The following SGCZ variants were observed in gnomAD, a reference collection of about 807,000 sequenced individuals.
SGCZ encodes the protein sarcoglycan zeta, also known as zeta-sarcoglycan.
A neutral mutation model predicts 41.3 loss-of-function variants in SGCZ; 40 were observed. The observed-to-expected ratio is 0.97, with a 90% confidence interval of 0.75 to 1.26. The LOEUF is 1.26. SGCZ is among the 50% of genes most tolerant of loss of function. The pLI is 0.00. For missense variants in SGCZ, 552 were observed against 369.8 expected (o/e 1.49, Z -4.04); for synonymous variants, 206 against 137.5 (o/e 1.50, Z -3.49).
In SGCZ at chr8:14,927,338, T is replaced by C. The variant is rs1387359602; in HGVS notation, c.39+310247A>G. ...GTTAGCCAGGATGGTGTCGATTTCC[T>C]GTCCTTGTGATCCGCCCGCCTCGGC... On this transcript the variant is annotated intron_variant, in intron 1 of 7. Transcript: ENST00000382080. Among the ~76,000 whole-genome samples the C allele has an allele frequency of 2.0e-5, 3 of 151,832 alleles. No individual in the cohort carries two copies. In the East Asian group the frequency reaches 5.9e-4, roughly 30 times the overall value.
intron 1 of SGCZ, among the ~76,000 whole-genome samples, chr8:15,081,502 T>G (rs1805745837): frequency 6.6e-6 from 1 of 151,990 alleles, no homozygotes; most frequent in South Asian, 2.1e-4. Context: ...GCTTTTTTTT[T>G]TTTTTACCCT....
chr8:14,331,837 T>C (rs1425087078), intron 2 of SGCZ, among the ~76,000 whole-genome samples: 1 of 151,870 alleles, frequency 6.6e-6, no homozygotes, highest in Admixed American at 6.6e-5. Context: ...GATATGCAAA[T>C]GCTTTTTTAA....
intron 2 of SGCZ, among the ~76,000 whole-genome samples, chr8:14,451,135 C>A (rs1279504666): frequency 6.6e-6 from 1 of 152,126 alleles, no homozygotes; most frequent in African/African-American, 2.4e-5. Flanking sequence ...GCAGGGTTTC[C>A]TTTAAAGTAT....
intron 1 of SGCZ, among the ~76,000 whole-genome samples, chr8:15,004,442 C>G (rs925382579): frequency 6.6e-6 from 1 of 152,034 alleles, no homozygotes; most frequent in Non-Finnish European, 1.5e-5. Context: ...AAGGCAGACA[C>G]TTAAGATAGA....
intron 2 of SGCZ, among the ~76,000 whole-genome samples, chr8:14,396,850 C>T (rs1256633003): frequency 6.6e-6 from 1 of 151,914 alleles, no homozygotes; most frequent in Admixed American, 6.6e-5. Context: ...TCTAAGAGAT[C>T]AAATAGCATT....
At chr8:14,290,271 G>C (rs935452867) in intron 3 of SGCZ, among the ~76,000 whole-genome samples, 1 of 151,980 alleles carries the variant, frequency 6.6e-6, no homozygotes, top group Non-Finnish European at 1.5e-5. Context: ...CCATAACATT[G>C]GTCTAGGCAA....
At chr8:14,549,073 G>A (rs989104771) in intron 2 of SGCZ, among the ~76,000 whole-genome samples, 2 of 152,042 alleles carry the variant, frequency 1.3e-5, no homozygotes, top group African/African-American at 2.4e-5. Context: ...GCCGGCCAAT[G>A]CTGCCTGTTA....
chr8:14,385,611 G>C (rs754340501), intron 2 of SGCZ, among the ~76,000 whole-genome samples: 6 of 152,190 alleles, frequency 3.9e-5, no homozygotes, highest in Non-Finnish European at 7.4e-5. Context: ...TGAGTGTAGA[G>C]ATAATAGTCC....
chr8:15,100,849 C>T (rs78449625), intron 1 of SGCZ, among the ~76,000 whole-genome samples: 2,142 of 152,062 alleles, frequency 0.014, 55 homozygotes, highest in East Asian at 0.11. Flanking sequence ...ATTAGTTGGG[C>T]ATGGTGGCGC....
Position 15,009,206 on chromosome 8 carries a change from G to A in SGCZ, c.39+228379C>T, listed in dbSNP as rs567217447. 5.7e-4 allele frequency among the ~76,000 whole-genome samples: 52 copies of A among 91,416 alleles called. No individual in the cohort carries two copies. In the South Asian group the frequency reaches 0.019, roughly 33 times the overall value. 60.0% of individuals were successfully genotyped at this position (91,416 alleles called of 152,430 possible). A position where few individuals can be genotyped will look rare whatever the true frequency, so the allele number is the denominator to read the frequency against. ...CAGGAAGCATGGCTGGGGAGCCTCA[G>A]GAAATTTAATTATGGCAGAAAGCAA... On this transcript the variant is annotated intron_variant, in intron 1 of 7. Transcript: ENST00000382080.
chr8:14,602,033 T>C (rs949473221), intron 1 of SGCZ, among the ~76,000 whole-genome samples: 3 of 151,880 alleles, frequency 2.0e-5, no homozygotes, highest in African/African-American at 7.3e-5. Flanking sequence ...GGCAGGAGAA[T>C]GGCATGAACC....
At chr8:14,355,232 A>G (rs1000550735) in intron 2 of SGCZ, among the ~76,000 whole-genome samples, 1 of 152,058 alleles carries the variant, frequency 6.6e-6, no homozygotes, top group African/African-American at 2.4e-5. Context: ...AATGCAACAT[A>G]ATTTATATCT....
chr8:14,433,647 A>G (rs1800007357), intron 2 of SGCZ, among the ~76,000 whole-genome samples: 1 of 152,200 alleles, frequency 6.6e-6, no homozygotes, highest in Non-Finnish European at 1.5e-5. Context: ...TTAGAAAAAA[A>G]AATAAAAAAG....
At chr8:14,099,029 A>G (rs752003183) in intron 7 of SGCZ, among the ~76,000 whole-genome samples, 3 of 152,192 alleles carry the variant, frequency 2.0e-5, no homozygotes, top group Non-Finnish European at 4.4e-5. Flanking sequence ...CCATATAAAA[A>G]GTCATTTTTT....
chr8:15,060,551 G>C (rs1488847905), intron 1 of SGCZ, among the ~76,000 whole-genome samples: 1 of 150,804 alleles, frequency 6.6e-6, no homozygotes, highest in African/African-American at 2.4e-5. Flanking sequence ...GATAGCATTA[G>C]GAGATATACC....
chr8:14,408,073 C>G (rs2117267667), intron 2 of SGCZ, among the ~76,000 whole-genome samples: 1 of 152,194 alleles, frequency 6.6e-6, no homozygotes, highest in East Asian at 1.9e-4. Context: ...AATGGGAATT[C>G]ACTTCCTTTT....
intron 2 of SGCZ, among the ~76,000 whole-genome samples, chr8:14,544,566 G>A (rs571386358): frequency 6.6e-6 from 1 of 152,114 alleles, no homozygotes; most frequent in South Asian, 2.1e-4. Context: ...TGCGTTCCTG[G>A]GGGAGGTCTA....
At chr8:15,040,915 A>G (rs1455184947) in intron 1 of SGCZ, among the ~76,000 whole-genome samples, 3 of 152,166 alleles carry the variant, frequency 2.0e-5, no homozygotes, top group African/African-American at 7.2e-5. Context: ...TATATAACTT[A>G]AAGTATATTA....
chr8:15,199,398 A>C (rs1015954841), intron 1 of SGCZ, among the ~76,000 whole-genome samples: 2 of 152,194 alleles, frequency 1.3e-5, no homozygotes, highest in Admixed American at 6.5e-5. Flanking sequence ...ATTTATTTCT[A>C]ATGTTTAATT....
Sources: allele counts gnomAD v4.1 joint callset (sites outside exome capture counted in the v4.1 genomes callset), GRCh38; gene constraint gnomAD v4.1.1; transcripts MANE v1.5; gene names NCBI Gene and HGNC (gene_info 2026-07-23, HGNC 2026-07-21).